Variants in STK32B observed in about 807,000 individuals in gnomAD.
The protein encoded by STK32B is serine/threonine-protein kinase 32B.
In STK32B, 43 loss-of-function variants were observed where a neutral mutation model predicts 52.6. The observed-to-expected ratio is 0.82, with a 90% CI of 0.64 to 1.05. STK32B has a LOEUF of 1.05. Ranked by LOEUF, STK32B falls within the 50% of genes least tolerant of loss-of-function variation. STK32B has a pLI of 0.00. For synonymous variants in STK32B, 238 were observed against 204.3 expected (o/e 1.17, Z -1.41); for missense variants, 621 against 534.6 (o/e 1.16, Z -1.59).
chr4:5,045,050 A>G, the STK32B span, among the ~76,000 whole-genome samples: 1 of 152,168 alleles, frequency 6.6e-6, no homozygotes, highest in Non-Finnish European at 1.5e-5. Context: ...GTTCCCCTTC[A>G]TACCTTTGCC....
At chr4:5,139,883 C>G (rs1277523065) in intron 1 of STK32B, 22 bp from the exon 2 acceptor site, 1 of 1,614,074 alleles carries the variant, frequency 6.2e-7, no homozygotes, top group Non-Finnish European at 8.5e-7. Context: ...TGACTTGTTT[C>G]CTTTTTTGTT....
At chr4:5,388,452 T>C (rs1042757348) in intron 4 of STK32B, among the ~76,000 whole-genome samples, 1 of 152,210 alleles carries the variant, frequency 6.6e-6, no homozygotes, top group Non-Finnish European at 1.5e-5. Flanking sequence ...GGAGTAAGGA[T>C]TTGAACTGCT....
chr4:5,112,968 G>A (rs1350682373), intron 1 of STK32B, among the ~76,000 whole-genome samples: 2 of 152,154 alleles, frequency 1.3e-5, no homozygotes, highest in Admixed American at 6.5e-5. Flanking sequence ...AGGCAAATAT[G>A]CTACTTCTTA....
At chr4:5,262,804 G>A (rs1405790503) in intron 3 of STK32B, among the ~76,000 whole-genome samples, 1 of 152,074 alleles carries the variant, frequency 6.6e-6, no homozygotes, top group African/African-American at 2.4e-5. Flanking sequence ...TCATTGCAGA[G>A]CTTATCTCTG....
chr4:5,066,517 A>G (rs1435790585), intron 1 of STK32B, among the ~76,000 whole-genome samples: 1 of 152,186 alleles, frequency 6.6e-6, no homozygotes, highest in African/African-American at 2.4e-5. Context: ...GTCAAAGATT[A>G]TAACCTGTAA....
chr4:5,355,477 C>T (rs1482897905), intron 4 of STK32B, among the ~76,000 whole-genome samples: 1 of 152,142 alleles, frequency 6.6e-6, no homozygotes, highest in Non-Finnish European at 1.5e-5. Context: ...TTTATTTGTT[C>T]TATCCACCTG....
At chr4:5,496,359 C>G (rs190904304) in intron 11 of STK32B, among the ~76,000 whole-genome samples, 1 of 152,178 alleles carries the variant, frequency 6.6e-6, no homozygotes, top group Non-Finnish European at 1.5e-5. Flanking sequence ...AGCGAGACTC[C>G]GTGGGCATAG....
intron 3 of STK32B, among the ~76,000 whole-genome samples, chr4:5,264,849 G>T (rs1233595959): frequency 6.6e-6 from 1 of 152,008 alleles, no homozygotes; most frequent in African/African-American, 2.4e-5. Flanking sequence ...AAAGTTCTTT[G>T]TCATGAATGT....
intron 4 of STK32B, among the ~76,000 whole-genome samples, chr4:5,340,414 G>T (rs1162013242): frequency 6.6e-6 from 1 of 152,228 alleles, no homozygotes; most frequent in East Asian, 1.9e-4. Context: ...AATGCAGAAG[G>T]CACTGGGCAG....
At chr4:5,491,194 T>G (rs1376713101) in intron 11 of STK32B, among the ~76,000 whole-genome samples, 2 of 152,144 alleles carry the variant, frequency 1.3e-5, no homozygotes, top group Non-Finnish European at 2.9e-5. Context: ...CCACCAACAG[T>G]GTAAAAGTGT....
At chr4:5,341,781 G>C (rs1232031964) in intron 4 of STK32B, among the ~76,000 whole-genome samples, 1 of 152,160 alleles carries the variant, frequency 6.6e-6, no homozygotes, top group African/African-American at 2.4e-5. Flanking sequence ...CATGGTGGAA[G>C]GTAAAGGGGG....
intron 7 of STK32B, among the ~76,000 whole-genome samples, chr4:5,455,017 A>G (rs1411149196): frequency 6.6e-6 from 1 of 152,190 alleles, no homozygotes; most frequent in African/African-American, 2.4e-5. Flanking sequence ...TTATACGGTG[A>G]AATGGACAGG....
Position 5,378,892 on chromosome 4 carries a change from C to A in STK32B, c.435-19315C>A, listed in dbSNP as rs1160094964. Reference sequence around the variant, plus strand: ...GCTGCCATCCTTGCAGCATTAAAGGCGTCATCTGCAAAAGGGGTGACAATT... The same window carrying A: ...GCTGCCATCCTTGCAGCATTAAAGGAGTCATCTGCAAAAGGGGTGACAATT... On this transcript the variant is annotated intron_variant, in intron 4 of 11. Transcript: ENST00000282908. The surrounding 1 kb of genome is among the most constrained non-coding windows in gnomAD (Gnocchi z 4.4). Among the ~76,000 whole-genome samples, 1 of 152,086 alleles carries A rather than the reference C, an allele frequency of 6.6e-6. No individual in the cohort carries two copies. Among genetic ancestry groups the A allele is most frequent in the Non-Finnish European group, 1.5e-5 (1 of 68,030 alleles).
At chr4:5,480,756 C>T (rs1433713653) in intron 11 of STK32B, among the ~76,000 whole-genome samples, 3 of 151,978 alleles carry the variant, frequency 2.0e-5, no homozygotes, top group African/African-American at 7.3e-5. Context: ...CAACAGGCCC[C>T]AGTGTGTAAT....
At chr4:5,134,857 T>G (rs140712745) in intron 1 of STK32B, among the ~76,000 whole-genome samples, 4 of 152,352 alleles carry the variant, frequency 2.6e-5, no homozygotes, top group Non-Finnish European at 5.9e-5. Context: ...TGGTTTACTT[T>G]CCATTAGAGA....
chr4:5,104,337 A>G (rs574998889), intron 1 of STK32B, among the ~76,000 whole-genome samples: 34 of 152,272 alleles, frequency 2.2e-4, no homozygotes, highest in African/African-American at 7.2e-4. Flanking sequence ...TTCCACCATG[A>G]TTGTGAAGCC....
At chr4:5,251,542 A>C (rs1464039818) in intron 3 of STK32B, among the ~76,000 whole-genome samples, 4 of 152,154 alleles carry the variant, frequency 2.6e-5, no homozygotes, top group African/African-American at 9.7e-5. Context: ...CTTTTTGCTT[A>C]GTATTCCTTA....
intron 1 of STK32B, among the ~76,000 whole-genome samples, chr4:5,131,064 C>G (rs546665921): frequency 6.6e-6 from 1 of 152,284 alleles, no homozygotes; most frequent in African/African-American, 2.4e-5. Context: ...CCTGGGCATG[C>G]CTCTGCTAGG....
chr4:5,363,288 A>G (rs1028607644), intron 4 of STK32B, among the ~76,000 whole-genome samples: 1 of 152,212 alleles, frequency 6.6e-6, no homozygotes, highest in African/African-American at 2.4e-5. Context: ...AATTTAATTT[A>G]TGCACCTATT....
Sources: gnomAD v4.1 joint callset for allele counts (sites outside exome capture counted in the v4.1 genomes callset) on GRCh38, gnomAD v4.1.1 for gene constraint, Gnocchi (gnomAD v3.1) non-coding constraint, MANE v1.5 for transcripts, NCBI Gene and HGNC (gene_info 2026-07-23, HGNC 2026-07-21) for gene names.